HYCC1: variants seen among roughly 807,000 people sequenced by gnomAD.
HYCC1 encodes the protein hyccin.
the HYCC1 span, among the ~76,000 whole-genome samples, chr7:22,931,740 T>C: frequency 6.6e-6 from 1 of 152,198 alleles, no homozygotes; most frequent in Non-Finnish European, 1.5e-5. Context: ...TCAGAAGGAA[T>C]TGAAACACAT....
chr7:22,990,238 T>C, the HYCC1 span, among the ~76,000 whole-genome samples: 23 of 152,336 alleles, frequency 1.5e-4, no homozygotes, highest in African/African-American at 4.8e-4. Flanking sequence ...ACCGTTTCAT[T>C]TAAATTTCAC....
the HYCC1 span, among the ~76,000 whole-genome samples, chr7:22,915,131 A>G: frequency 6.6e-6 from 1 of 152,188 alleles, no homozygotes; most frequent in Non-Finnish European, 1.5e-5. Context: ...AGGCCATCTT[A>G]TTCTCAATAT....
At chr7:22,926,716 T>C in the HYCC1 span, among the ~76,000 whole-genome samples, 1 of 151,132 alleles carries the variant, frequency 6.6e-6, no homozygotes, top group East Asian at 2.0e-4. Context: ...AGACTTAGAC[T>C]CCCACACAAT....
chr7:22,989,330 T>C, the HYCC1 span, among the ~76,000 whole-genome samples: 2 of 150,482 alleles, frequency 1.3e-5, no homozygotes, highest in African/African-American at 4.9e-5. Flanking sequence ...ACACAAGATT[T>C]AATCAAAGTT....
the HYCC1 span, among the ~76,000 whole-genome samples, chr7:22,918,471 T>C: frequency 6.6e-6 from 1 of 152,064 alleles, no homozygotes; most frequent in Non-Finnish European, 1.5e-5. Context: ...TATCTCTCCA[T>C]ACCACCCCCA....
the HYCC1 span, among the ~76,000 whole-genome samples, chr7:22,962,550 G>A: frequency 1.3e-5 from 2 of 150,268 alleles, no homozygotes; most frequent in East Asian, 2.0e-4. Context: ...CAGCGAACAA[G>A]TGAAGACCAA....
chr7:22,919,466 T>C, the HYCC1 span, among the ~76,000 whole-genome samples: 1 of 149,962 alleles, frequency 6.7e-6, no homozygotes, highest in Non-Finnish European at 1.5e-5. Context: ...GAGGCAGAGG[T>C]TGTAGTGAGC....
At chr7:22,931,003 G>C in the HYCC1 span, among the ~76,000 whole-genome samples, 1 of 151,894 alleles carries the variant, frequency 6.6e-6, no homozygotes, top group Non-Finnish European at 1.5e-5. Context: ...ATGTGATAAA[G>C]AACATGTGAG....
At chr7:22,931,032 T>C in the HYCC1 span, among the ~76,000 whole-genome samples, 1 of 152,030 alleles carries the variant, frequency 6.6e-6, no homozygotes, top group Non-Finnish European at 1.5e-5. Context: ...ACAGTTTGCA[T>C]CATAACGTGA....
At chr7:22,950,483 TTAAATTA>T in the HYCC1 span, among the ~76,000 whole-genome samples, 1 of 151,968 alleles carries the variant, frequency 6.6e-6, no homozygotes, top group Admixed American at 6.6e-5. Context: ...TGTTATGAGA[TTAAATTA>T]TTAGAATAAA....
chr7:22,932,746 G>T, the HYCC1 span, among the ~76,000 whole-genome samples: 1 of 152,142 alleles, frequency 6.6e-6, no homozygotes, highest in African/African-American at 2.4e-5. Flanking sequence ...CATGTGGGAT[G>T]AATGTGAATT....
chr7:22,980,158 T>C, the HYCC1 span, among the ~76,000 whole-genome samples: 9 of 152,234 alleles, frequency 5.9e-5, no homozygotes, highest in East Asian at 1.7e-3. Flanking sequence ...AATAAAATGA[T>C]ATACAGTGTG....
the HYCC1 span, among the ~76,000 whole-genome samples, chr7:23,001,291 AAAG>A: frequency 1.6e-4 from 25 of 152,306 alleles, no homozygotes; most frequent in East Asian, 4.8e-3. Context: ...GCTAACACTT[AAAG>A]AAGTAACTTG....
At chr7:22,976,743 C>A in the HYCC1 span, 1 of 1,613,624 alleles carries the variant, frequency 6.2e-7, no homozygotes, top group African/African-American at 1.3e-5. Flanking sequence ...CACTGTATAC[C>A]ACTTTTGACA....
At chr7:22,965,881 G>C in the HYCC1 span, among the ~76,000 whole-genome samples, 1 of 152,054 alleles carries the variant, frequency 6.6e-6, no homozygotes, top group Non-Finnish European at 1.5e-5. Flanking sequence ...CAGCCTCCCA[G>C]TCGCTGAGAT....
chr7:22,949,938 TAAG>T, the HYCC1 span, among the ~76,000 whole-genome samples: 1 of 152,112 alleles, frequency 6.6e-6, no homozygotes, highest in Non-Finnish European at 1.5e-5. Flanking sequence ...ATTAAATTTA[TAAG>T]AAGAGCAAGT....
At chr7:22,898,814 G>A in the HYCC1 span, among the ~76,000 whole-genome samples, 1 of 151,660 alleles carries the variant, frequency 6.6e-6, no homozygotes, top group Admixed American at 6.6e-5. Context: ...TATTGGCCAG[G>A]CCGGTCTCAA....
the HYCC1 span, among the ~76,000 whole-genome samples, chr7:22,931,849 T>C: frequency 8.5e-5 from 13 of 152,158 alleles, no homozygotes; most frequent in Non-Finnish European, 1.6e-4. Context: ...AATTGTGAGA[T>C]ATAAACTTGG....
At chr7:22,999,294 A>C in the HYCC1 span, among the ~76,000 whole-genome samples, 58 of 152,338 alleles carry the variant, frequency 3.8e-4, 1 homozygote, top group Admixed American at 3.2e-3. Context: ...AGCTTTCCAA[A>C]ATGTTTGCAC....
Sources: gnomAD v4.1 joint callset for allele counts (sites outside exome capture counted in the v4.1 genomes callset) on GRCh38, gnomAD v4.1.1 for gene constraint, MANE v1.5 for transcripts, NCBI Gene and HGNC (gene_info 2026-07-23, HGNC 2026-07-21) for gene names.